Variants in GOLM2 observed in about 807,000 individuals in gnomAD.
GOLM2 encodes the protein protein GOLM2.
Under a neutral mutation model 55.9 loss-of-function variants are expected in GOLM2, and 26 were observed. The observed-to-expected ratio is 0.47, with a 90% CI of 0.34 to 0.65. GOLM2 has a LOEUF of 0.65. Among genes scored for constraint, GOLM2 ranks in the 30% least tolerant of loss-of-function variants. GOLM2 has a pLI of 0.01. For synonymous variants in GOLM2, 165 were observed against 194.6 expected (o/e 0.85, Z 1.27); for missense variants, 486 against 531.8 (o/e 0.91, Z 0.85).
chr15:44,326,076 A>T (rs1387765065), intron 2 of GOLM2, among the ~76,000 whole-genome samples: 1 of 151,788 alleles, frequency 6.6e-6, no homozygotes, highest in African/African-American at 2.4e-5. Context: ...AGCCTGGCCA[A>T]CACAGTGAAA....
At chr15:44,325,523 A>G (rs1421077532) in intron 2 of GOLM2, among the ~76,000 whole-genome samples, 1 of 152,218 alleles carries the variant, frequency 6.6e-6, no homozygotes, top group African/African-American at 2.4e-5. Flanking sequence ...ATTTTACAGC[A>G]TAGCCTGAAT....
chr15:44,409,283 CA>C lies in GOLM2; in HGVS notation c.1241-4042del, dbSNP rs572709670. ...TGAGCGACAGAGCAAGACTCCGTCT[CA>C]AAAAAAAAAAGCCCAAAAAGTGGCT... On this transcript the variant is annotated intron_variant, in intron 9 of 9. Coordinates refer to ENST00000299957, the MANE Select transcript of GOLM2 (RefSeq NM_138423.4). 6.4e-4 allele frequency among the ~76,000 whole-genome samples: 83 copies of C among 129,700 alleles called. 1 individual carries two copies. The highest frequency in any genetic ancestry group is 8.9e-4 in the East Asian group (4 of 4,486). The allele number at this position is 129,700 out of a possible 152,430, so 85.1% of individuals were successfully genotyped here. A position where few individuals can be genotyped will look rare whatever the true frequency, so the allele number is the denominator to read the frequency against.
chr15:44,332,958 G>C (rs527865172), intron 4 of GOLM2, among the ~76,000 whole-genome samples: 3 of 152,070 alleles, frequency 2.0e-5, no homozygotes, highest in Non-Finnish European at 2.9e-5. Context: ...GTGTGTGATG[G>C]AGTCTCGCTC....
At chr15:44,381,541 G>A (rs2079403291) in intron 8 of GOLM2, among the ~76,000 whole-genome samples, 1 of 152,144 alleles carries the variant, frequency 6.6e-6, no homozygotes, top group Admixed American at 6.6e-5. Flanking sequence ...GCTTTTCACT[G>A]GTTCTGCTTT....
At chr15:44,345,604 A>G (rs935617673) in intron 6 of GOLM2, among the ~76,000 whole-genome samples, 1 of 152,104 alleles carries the variant, frequency 6.6e-6, no homozygotes, top group Non-Finnish European at 1.5e-5. Flanking sequence ...TGCAATGCAA[A>G]TATCTTCTCT....
intron 1 of GOLM2, among the ~76,000 whole-genome samples, chr15:44,304,515 T>TTTGGG (rs2078822590): frequency 6.6e-6 from 1 of 152,170 alleles, no homozygotes; most frequent in African/African-American, 2.4e-5. Context: ...GTGCTGGGAC[T>TTTGGG]ACAGGCATAA....
In GOLM2 at chr15:44,413,704, C is replaced by A; in HGVS notation, c.*298C>A. ...ATTTTATTGAGCCGACTTATTTCCA[C>A]AAATAGATAAACAGGACAAAATAGT... is the stretch of plus-strand genomic sequence containing the variant. On this transcript the variant is annotated 3_prime_UTR_variant, in exon 10 of 10. Transcript: ENST00000299957. 1 of 256,012 alleles carries A rather than the reference C, an allele frequency of 3.9e-6. No individual in the cohort carries two copies. The highest frequency in any genetic ancestry group is 7.4e-6 in the Non-Finnish European group (1 of 134,336). The allele number at this position is 256,012 out of a possible 1,614,324, so 15.9% of individuals were successfully genotyped here.
In GOLM2 at chr15:44,321,601, C is replaced by A. The variant is rs566818553; in HGVS notation, c.328-1364C>A. Reference sequence around the variant, plus strand: ...TATTTTAAAATGACATAGAGCTATACATTCATATTGTACCAATGTCAGTTT... The same window carrying A: ...TATTTTAAAATGACATAGAGCTATAAATTCATATTGTACCAATGTCAGTTT... On this transcript the variant is annotated intron_variant, in intron 1 of 9. Transcript: ENST00000299957. Among the ~76,000 whole-genome samples the A allele has an allele frequency of 5.9e-5, 9 of 152,074 alleles. No individual in the cohort carries two copies. The East Asian group carries it at 1.7e-3, about 29-fold the overall frequency.
At chr15:44,374,348 G>C (rs2079350084) in intron 6 of GOLM2, among the ~76,000 whole-genome samples, 1 of 151,792 alleles carries the variant, frequency 6.6e-6, no homozygotes, top group Admixed American at 6.6e-5. Flanking sequence ...ATCTTGCATT[G>C]CTATAAAGAA....
At chr15:44,335,109 T>C (rs1036152935) in intron 4 of GOLM2, among the ~76,000 whole-genome samples, 2 of 152,122 alleles carry the variant, frequency 1.3e-5, no homozygotes, top group African/African-American at 4.8e-5. Flanking sequence ...AAGGACTTAG[T>C]GGAAAAACTG....
chr15:44,372,959 C>G (rs1367050520), intron 6 of GOLM2, among the ~76,000 whole-genome samples: 1 of 152,172 alleles, frequency 6.6e-6, no homozygotes, highest in Non-Finnish European at 1.5e-5. Context: ...CTCAAAAATG[C>G]CTCCCCTGAC....
At chr15:44,373,631 G>A (rs2141187842) in intron 6 of GOLM2, among the ~76,000 whole-genome samples, 1 of 151,912 alleles carries the variant, frequency 6.6e-6, no homozygotes, top group East Asian at 1.9e-4. Context: ...GCGGGCGCCT[G>A]TAATTCCAGC....
rs962074535 is a variant in GOLM2, at chr15:44,289,415, G to A, written c.327+59G>A. 1.4e-6 allele frequency: 2 copies of A among 1,473,646 alleles called. No individual in the cohort carries two copies. The highest frequency in any genetic ancestry group is 2.2e-5 in the Admixed American group (1 of 45,252). 91.3% of individuals were successfully genotyped at this position (1,473,646 alleles called of 1,614,324 possible). ...GTTTCTTTTCTCCCCGGGGTCTGGG[G>A]CGGGATGTTAATCCGCTAGCTGTTG... is the stretch of plus-strand genomic sequence containing the variant. On this transcript the variant is annotated intron_variant, in intron 1 of 9. Coordinates refer to ENST00000299957, the MANE Select transcript of GOLM2 (RefSeq NM_138423.4). The surrounding 1 kb of genome is among the most constrained non-coding windows in gnomAD (Gnocchi z 4.8).
At chr15:44,336,644 C>T (rs1272684756) in intron 4 of GOLM2, among the ~76,000 whole-genome samples, 2 of 151,728 alleles carry the variant, frequency 1.3e-5, no homozygotes, top group African/African-American at 2.4e-5. Context: ...TGGCCGGGTA[C>T]GGTGGCTCAC....
At chr15:44,386,023 G>A (rs561040818) in intron 8 of GOLM2, among the ~76,000 whole-genome samples, 2 of 152,262 alleles carry the variant, frequency 1.3e-5, no homozygotes, top group East Asian at 1.9e-4. Flanking sequence ...TTTCATGCAC[G>A]AAAGTTTTTA....
At chr15:44,378,740 GA>G (rs2079381693) in intron 6 of GOLM2, among the ~76,000 whole-genome samples, 1 of 151,912 alleles carries the variant, frequency 6.6e-6, no homozygotes, top group Non-Finnish European at 1.5e-5. Flanking sequence ...TGTATCTGAA[GA>G]GATTCATTTT....
At chr15:44,331,598 A>C (rs1330271351) in intron 3 of GOLM2, among the ~76,000 whole-genome samples, 1 of 152,100 alleles carries the variant, frequency 6.6e-6, no homozygotes, top group East Asian at 1.9e-4. Flanking sequence ...ACTTCTTATC[A>C]GCTCTCATAA....
At position 44,288,735 on chromosome 15, in the gene GOLM2, G is replaced by T; in HGVS notation, c.-295G>T. 4.6e-6 allele frequency: 2 copies of T among 431,570 alleles called. No homozygotes were observed. Among genetic ancestry groups the T allele is most frequent in the Non-Finnish European group, 8.3e-6 (2 of 241,954 alleles). The allele number at this position is 431,570 out of a possible 1,614,324, so 26.7% of individuals were successfully genotyped here. On this transcript the variant is annotated 5_prime_UTR_variant, in exon 1 of 10. Coordinates refer to ENST00000299957, the MANE Select transcript of GOLM2 (RefSeq NM_138423.4). ...GTTTTTTTCCCCGCCTCCCAACCGTGAGGTGTTGGGTTTGGGGGACGCTGG... is the reference window on the plus strand; with the variant it reads ...GTTTTTTTCCCCGCCTCCCAACCGTTAGGTGTTGGGTTTGGGGGACGCTGG...
In GOLM2 at chr15:44,403,055, G is replaced by C; in HGVS notation, c.1240+1G>C. 1.2e-6 allele frequency: 2 copies of C among 1,614,072 alleles called. No individual in the cohort carries two copies. Among genetic ancestry groups the C allele is most frequent in the Non-Finnish European group, 1.7e-6 (2 of 1,180,004 alleles). On this transcript the variant is annotated splice_donor_variant, in intron 9 of 9. Transcript: ENST00000299957. LOFTEE classifies it high-confidence loss of function. ...GATGGTGGAGAGGAAGACGTCCAAG[G>C]TGAGCGTGGGCCTGGCCTCCATGCT... is the stretch of plus-strand genomic sequence containing the variant.
Sources: gnomAD v4.1 joint callset for allele counts (sites outside exome capture counted in the v4.1 genomes callset) on GRCh38, gnomAD v4.1.1 for gene constraint, Gnocchi (gnomAD v3.1) non-coding constraint, MANE v1.5 for transcripts, NCBI Gene and HGNC (gene_info 2026-07-23, HGNC 2026-07-21) for gene names.